RBPJL: variants seen among roughly 807,000 people sequenced by gnomAD.
RBPJL encodes recombining binding protein suppressor of hairless-like protein.
Under a neutral mutation model 57.6 loss-of-function variants are expected in RBPJL, and 50 were observed. That is an observed-to-expected ratio of 0.87 (90% CI 0.69 to 1.10). The LOEUF (loss-of-function observed/expected upper bound fraction) is 1.10, where lower values mean the gene tolerates loss of function less well. RBPJL is among the 50% of genes least tolerant of loss of function. The probability of loss-of-function intolerance (pLI) is 0.00; values close to 1 mark genes in which losing one functional copy is unlikely to be tolerated. For synonymous variants in RBPJL, 303 were observed against 294.4 expected (o/e 1.03, Z -0.30); for missense variants, 684 against 693.7 (o/e 0.99, Z 0.16).
Position 45,309,696 on chromosome 20 carries a change from G to A in RBPJL, c.257+4G>A, listed in dbSNP as rs1987049544. The A allele has an allele frequency of 1.9e-6, 3 of 1,613,470 alleles. No individual in the cohort carries two copies. The highest frequency in any genetic ancestry group is 4.5e-5 in the East Asian group (2 of 44,818). ...AATCATACGGAAATGAGAAGCGGTAGGTGCCTCCGCAGCCCCTCCCAGGTC... is the reference window on the plus strand; with the variant it reads ...AATCATACGGAAATGAGAAGCGGTAAGTGCCTCCGCAGCCCCTCCCAGGTC... On this transcript the variant is annotated splice_donor_region_variant and intron_variant, in intron 3 of 11. Transcript: ENST00000343694.
chr20:45,308,973 G>A (rs1290701025), intron 2 of RBPJL, among the ~76,000 whole-genome samples: 1 of 152,144 alleles, frequency 6.6e-6, no homozygotes, highest in African/African-American at 2.4e-5. Flanking sequence ...GGGAGAAAGG[G>A]AAGAATATGG....
chr20:45,310,920 A>G (rs1987131479), intron 3 of RBPJL, among the ~76,000 whole-genome samples: 1 of 152,082 alleles, frequency 6.6e-6, no homozygotes, highest in Non-Finnish European at 1.5e-5. Context: ...CCAGACCTGC[A>G]TGGGCAACAT....
intron 7 of RBPJL, 39 bp from the exon 8 acceptor site, chr20:45,313,996 C>G: frequency 1.4e-6 from 2 of 1,431,510 alleles, no homozygotes; most frequent in Non-Finnish European, 9.9e-7. Flanking sequence ...AGCTTGGGGG[C>G]CGCTGAAAAC....
chr20:45,312,297 T>C lies in RBPJL; in HGVS notation c.521T>C (p.Val174Ala), dbSNP rs754892985. 1.2e-6 allele frequency: 2 copies of C among 1,613,170 alleles called. No homozygotes were observed. The highest frequency in any genetic ancestry group is 1.7e-6 in the Non-Finnish European group (2 of 1,179,852). Residue 174 changes from valine to alanine, a missense_variant, in exon 6 of 12, where the codon GTG (valine) becomes GCG (alanine). By Grantham distance (64) the Val-to-Ala change is moderately conservative. Transcript: ENST00000343694. ...CACTTTCGGCTGGTGCTGCGGCTGG[T>C]GCTGCGCGGGGGCCGGGAGCTGGGT... Reference protein sequence around the residue: ...RKHFRLVLRLVLRGGRELGTF... With the variant: ...RKHFRLVLRLALRGGRELGTF...
Position 45,317,268 on chromosome 20 carries a change from C to G in RBPJL, c.*309C>G. On this transcript the variant is annotated 3_prime_UTR_variant, in exon 12 of 12. Transcript: ENST00000343694. ...TCTCCCTTCCCCCTCAGTACTTAGT[C>G]TACAGACCTATGTGCGTGTCCCTAT... 2 of 456,602 alleles carry G rather than the reference C, an allele frequency of 4.4e-6. No homozygotes were observed. Among genetic ancestry groups the G allele is most frequent in the Non-Finnish European group, 7.8e-6 (2 of 257,070 alleles). 28.3% of individuals were successfully genotyped at this position (456,602 alleles called of 1,614,324 possible).
intron 1 of RBPJL, among the ~76,000 whole-genome samples, chr20:45,307,260 C>T (rs1201127684): frequency 6.6e-6 from 1 of 152,162 alleles, no homozygotes; most frequent in African/African-American, 2.4e-5. Context: ...AACCCAACAG[C>T]AGCTCCGCCC....
intron 6 of RBPJL, among the ~76,000 whole-genome samples, chr20:45,313,141 T>C (rs549784699): frequency 7.9e-4 from 120 of 152,144 alleles, no homozygotes; most frequent in Middle Eastern, 6.8e-3. Flanking sequence ...GAATGCCCAG[T>C]GTATCTAGGC....
intron 4 of RBPJL, 26 bp downstream of exon 4, chr20:45,311,685 G>T: frequency 6.2e-7 from 1 of 1,612,482 alleles, no homozygotes; most frequent in Non-Finnish European, 8.5e-7. Flanking sequence ...AGGGCTGCCG[G>T]CCGCCTGCTC....
rs1454972483 is a variant in RBPJL, at chr20:45,316,502, C to A, written c.1202C>A (p.Thr401Lys). The change falls in exon 11 of 12, where the codon ACG becomes AAG. Residue 401 changes from threonine to lysine, a missense_variant. By Grantham distance (78) the Thr-to-Lys change is moderately conservative. Coordinates refer to ENST00000343694, the MANE Select transcript of RBPJL (RefSeq NM_014276.4). ...LELSGGGDVATLELHGENFHA... is the reference protein window; with the variant it reads ...LELSGGGDVAKLELHGENFHA... ...CTGAGCGGCGGGGGCGACGTGGCCA[C>A]GCTGGAGCTCCACGGAGAGAACTTC... The A allele has an allele frequency of 1.9e-6, 3 of 1,543,770 alleles. No individual in the cohort carries two copies.
intron 8 of RBPJL, 97 bp downstream of exon 8, chr20:45,314,241 T>C: frequency 2.4e-6 from 3 of 1,263,810 alleles, no homozygotes; most frequent in Non-Finnish European, 2.3e-6. Flanking sequence ...CCCCAAGGCA[T>C]GGAGACACCT....
In RBPJL at chr20:45,308,416, G is replaced by A. The variant is rs533773325; in HGVS notation, c.131+165G>A. On this transcript the variant is annotated intron_variant, in intron 2 of 11. Coordinates refer to ENST00000343694, the MANE Select transcript of RBPJL (RefSeq NM_014276.4). The stretch of plus-strand genomic sequence containing the variant: ...GATCCCCCCTTCCTCCTGAGGGGGG[G>A]CAAACCCAGCACCCCCTGCTCCTAC... 452 of 594,798 alleles carry A rather than the reference G, an allele frequency of 7.6e-4. 3 individuals carry two copies. In the African/African-American group the frequency reaches 7.6e-3, roughly 10 times the overall value. 36.8% of individuals were successfully genotyped at this position (594,798 alleles called of 1,614,324 possible).
chr20:45,314,247 C>A, intron 8 of RBPJL, 103 bp downstream of exon 8: 1 of 1,226,548 alleles, frequency 8.2e-7, no homozygotes, highest in Non-Finnish European at 1.2e-6. Flanking sequence ...GGCATGGAGA[C>A]ACCTGTTCTC....
At chr20:45,314,179 C>G (rs757146642) in intron 8 of RBPJL, 35 bp downstream of exon 8, 29 of 1,558,880 alleles carry the variant, frequency 1.9e-5, no homozygotes, top group Non-Finnish European at 2.2e-5. Flanking sequence ...GAGGGGTCCC[C>G]TCAGATCCAT....
intron 7 of RBPJL, 49 bp from the exon 8 acceptor site, chr20:45,313,986 A>AG (rs1987324964): frequency 7.3e-7 from 1 of 1,362,624 alleles, no homozygotes. Context: ...TTAAGGCAGA[A>AG]GCTTGGGGGC....
intron 6 of RBPJL, among the ~76,000 whole-genome samples, chr20:45,312,800 G>A (rs1369875390): frequency 1.3e-5 from 2 of 149,514 alleles, no homozygotes; most frequent in African/African-American, 5.0e-5. Context: ...GACTAGCTAG[G>A]GCAACATGGC....
chr20:45,310,654 A>G (rs1987122493), intron 3 of RBPJL, among the ~76,000 whole-genome samples: 1 of 152,122 alleles, frequency 6.6e-6, no homozygotes, highest in African/African-American at 2.4e-5. Flanking sequence ...GGCTGTACCA[A>G]TTAGGCCTGT....
At chr20:45,312,000 C>T (rs2743329) in intron 5 of RBPJL, 46 bp downstream of exon 5, 1 of 1,478,964 alleles carries the variant, frequency 6.8e-7, no homozygotes, top group African/African-American at 1.4e-5. Context: ...CCATCCCTGC[C>T]TCTCCTGGGA....
At chr20:45,310,332 C>A (rs571734473) in intron 3 of RBPJL, among the ~76,000 whole-genome samples, 5 of 152,102 alleles carry the variant, frequency 3.3e-5, no homozygotes, top group Admixed American at 2.0e-4. Context: ...AAGGGCCGGG[C>A]GCGATGGCTC....
At chr20:45,313,047 T>C (rs1388666035) in intron 6 of RBPJL, among the ~76,000 whole-genome samples, 1 of 150,668 alleles carries the variant, frequency 6.6e-6, no homozygotes, top group Non-Finnish European at 1.5e-5. Flanking sequence ...TTTGTTGAAC[T>C]GAAAGATGTC....
Sources: allele counts gnomAD v4.1 joint callset (sites outside exome capture counted in the v4.1 genomes callset), GRCh38; gene constraint gnomAD v4.1.1; transcripts MANE v1.5; gene names NCBI Gene and HGNC (gene_info 2026-07-23, HGNC 2026-07-21).